The following RAPGEF4 variants were observed in gnomAD, a reference collection of about 807,000 sequenced individuals.
RAPGEF4 encodes Rap guanine nucleotide exchange factor 4.
A neutral mutation model predicts 147.9 loss-of-function variants in RAPGEF4; 66 were observed. That is an observed-to-expected ratio of 0.45 (90% CI 0.37 to 0.55). RAPGEF4 has a LOEUF of 0.55. Ranked by LOEUF, RAPGEF4 falls within the 20% of genes least tolerant of loss-of-function variation. RAPGEF4 has a pLI of 0.00. For missense variants in RAPGEF4, 1,071 were observed against 1,257.3 expected (o/e 0.85, Z 2.24); for synonymous variants, 419 against 442.7 (o/e 0.95, Z 0.67).
rs1684281966 is a variant in RAPGEF4 at position 172,918,110 on chromosome 2, G to A, written c.517+236G>A. ...TGCTCTGGTGCCAGCTGGAACTTTGGCATGCATAGAATACTTTCCCAAAAT... is the reference window on the plus strand; with the variant it reads ...TGCTCTGGTGCCAGCTGGAACTTTGACATGCATAGAATACTTTCCCAAAAT... On this transcript the variant is annotated intron_variant, in intron 5 of 30. Coordinates refer to ENST00000397081, the MANE Select transcript of RAPGEF4 (RefSeq NM_007023.4). The A allele has an allele frequency of 8.7e-6, 6 of 686,742 alleles. No homozygotes were observed. In the Admixed American group the frequency reaches 1.2e-4, roughly 14 times the overall value. 42.5% of individuals were successfully genotyped at this position (686,742 alleles called of 1,614,324 possible).
intron 17 of RAPGEF4, 113 bp downstream of exon 17, chr2:173,001,457 C>A (rs532208645): frequency 2.3e-6 from 3 of 1,299,382 alleles, no homozygotes; most frequent in East Asian, 4.7e-5. Flanking sequence ...CAGAGTTGTG[C>A]ATTCCACCCT....
chr2:172,812,172 C>T (rs779132843), intron 3 of RAPGEF4, among the ~76,000 whole-genome samples: 10 of 152,230 alleles, frequency 6.6e-5, no homozygotes, highest in Non-Finnish European at 1.3e-4. Flanking sequence ...GACTCCTTGT[C>T]CTTAAATTTG....
chr2:173,039,301 CAAA>C (rs373066887), intron 29 of RAPGEF4, among the ~76,000 whole-genome samples: 22 of 138,874 alleles, frequency 1.6e-4, no homozygotes, highest in African/African-American at 4.8e-4. Flanking sequence ...ACTAAAAATA[CAAA>C]AAAAAAAAAA....
intron 16 of RAPGEF4, 54 bp downstream of exon 16, chr2:172,996,608 A>C (rs1174382369): frequency 8.0e-7 from 1 of 1,252,644 alleles, no homozygotes; most frequent in East Asian, 2.5e-5. Context: ...AGCATTGTTT[A>C]AAAGTCCTGA....
At chr2:172,782,786 C>G (rs1415977574) in intron 1 of RAPGEF4, among the ~76,000 whole-genome samples, 1 of 152,132 alleles carries the variant, frequency 6.6e-6, no homozygotes, top group Non-Finnish European at 1.5e-5. Flanking sequence ...GCTAGTAGGG[C>G]AAGTGTATTT....
chr2:172,801,474 G>A (rs904476240), intron 3 of RAPGEF4, among the ~76,000 whole-genome samples: 1 of 152,160 alleles, frequency 6.6e-6, no homozygotes, highest in Non-Finnish European at 1.5e-5. Flanking sequence ...AGTGGGGTGT[G>A]AGCCAGGATG....
intron 29 of RAPGEF4, chr2:173,048,328 T>A: frequency 3.7e-6 from 2 of 538,732 alleles, no homozygotes; most frequent in Non-Finnish European, 2.9e-6. Flanking sequence ...TCAGGCATGA[T>A]AGATGTTTTT....
chr2:173,036,777 T>A, intron 29 of RAPGEF4, 85 bp downstream of exon 29: 1 of 918,982 alleles, frequency 1.1e-6, no homozygotes, highest in Non-Finnish European at 1.7e-6. Context: ...AATTTCCATA[T>A]ATGCTGCCCT....
intron 29 of RAPGEF4, among the ~76,000 whole-genome samples, chr2:173,046,806 G>A (rs1482607572): frequency 2.0e-5 from 3 of 152,280 alleles, no homozygotes; most frequent in South Asian, 2.1e-4. Flanking sequence ...CTTTGTGTGC[G>A]AAATTATCCA....
intron 4 of RAPGEF4, among the ~76,000 whole-genome samples, chr2:172,877,996 C>A (rs1325309689): frequency 1.3e-5 from 2 of 152,074 alleles, no homozygotes. Context: ...TGTCTGTGAC[C>A]CCTCCGTGAC....
intron 25 of RAPGEF4, 90 bp downstream of exon 25, chr2:173,027,349 G>A: frequency 1.7e-6 from 2 of 1,144,712 alleles, no homozygotes; most frequent in East Asian, 2.6e-5. Context: ...AAGAAAAGCA[G>A]GATCTAGGAA....
intron 1 of RAPGEF4, among the ~76,000 whole-genome samples, chr2:172,744,702 A>G (rs1694619598): frequency 6.6e-6 from 1 of 152,206 alleles, no homozygotes; most frequent in Non-Finnish European, 1.5e-5. Flanking sequence ...TGCATTTGCC[A>G]GGAATGCCAG....
At chr2:172,831,283 T>TTTTTTTTTTTTTTTTTTTG (rs1690301603) in intron 4 of RAPGEF4, among the ~76,000 whole-genome samples, 1 of 141,658 alleles carries the variant, frequency 7.1e-6, no homozygotes, top group Admixed American at 7.4e-5. Flanking sequence ...TTTTTTTTTT[T>TTTTTTTTTTTTTTTTTTTG]TTGAGACAGA....
intron 6 of RAPGEF4, among the ~76,000 whole-genome samples, chr2:172,936,617 A>G (rs1686603296): frequency 6.6e-6 from 1 of 151,724 alleles, no homozygotes; most frequent in South Asian, 2.1e-4. Flanking sequence ...ATTTTTTTTA[A>G]ATAGCTATTT....
At chr2:172,803,642 A>G (rs1574890791) in intron 3 of RAPGEF4, among the ~76,000 whole-genome samples, 1 of 152,104 alleles carries the variant, frequency 6.6e-6, no homozygotes, top group African/African-American at 2.4e-5. Flanking sequence ...ACTTATGCAA[A>G]TTTCTGTAGC....
intron 1 of RAPGEF4, among the ~76,000 whole-genome samples, chr2:172,785,517 T>C (rs1468973719): frequency 6.6e-6 from 1 of 152,182 alleles, no homozygotes; most frequent in Non-Finnish European, 1.5e-5. Context: ...GATGAGCAGC[T>C]CTTTGCAATG....
chr2:172,949,989 C>A (rs1688050693), intron 6 of RAPGEF4, among the ~76,000 whole-genome samples: 1 of 152,182 alleles, frequency 6.6e-6, no homozygotes, highest in South Asian at 2.1e-4. Context: ...TCTGAGATAG[C>A]TGTAATCTTG....
chr2:172,895,261 G>A (rs979716237), intron 4 of RAPGEF4, among the ~76,000 whole-genome samples: 2 of 152,078 alleles, frequency 1.3e-5, no homozygotes, highest in Admixed American at 6.5e-5. Flanking sequence ...TTTTTGAAAG[G>A]CATGTGGCAT....
chr2:173,022,567 C>T (rs1696213063), intron 23 of RAPGEF4, among the ~76,000 whole-genome samples: 1 of 152,172 alleles, frequency 6.6e-6, no homozygotes, highest in Non-Finnish European at 1.5e-5. Flanking sequence ...ATGTTGGCCA[C>T]ACTCTCTGAT....
Sources: allele counts gnomAD v4.1 joint callset (sites outside exome capture counted in the v4.1 genomes callset), GRCh38; gene constraint gnomAD v4.1.1; transcripts MANE v1.5; gene names NCBI Gene and HGNC (gene_info 2026-07-23, HGNC 2026-07-21).